RB1: variants seen among roughly 807,000 people sequenced by gnomAD.
RB1 encodes RB transcriptional corepressor 1.
RB1 carries 18 observed loss-of-function variants against 135.4 expected under a neutral mutation model. That is an observed-to-expected ratio of 0.13 (90% CI 0.09 to 0.20). RB1 has a LOEUF of 0.20. Ranked by LOEUF, RB1 falls within the 10% of genes least tolerant of loss-of-function variation. The probability of loss-of-function intolerance (pLI) is 1.00; values close to 1 mark genes in which losing one functional copy is unlikely to be tolerated. For synonymous variants in RB1, 365 were observed against 373.2 expected, an observed-to-expected ratio of 0.98 and a Z score of 0.25; for missense variants, 868 against 1,110.0, an observed-to-expected ratio of 0.78 and a Z score of 3.10.
intron 2 of RB1, among the ~76,000 whole-genome samples, chr13:48,309,223 A>G (rs535643340): frequency 6.6e-6 from 1 of 152,270 alleles, no homozygotes; most frequent in East Asian, 1.9e-4. Flanking sequence ...ATGACTCTTG[A>G]TGATTATTGC....
At chr13:48,419,186 C>G (rs1187718615) in intron 17 of RB1, among the ~76,000 whole-genome samples, 1 of 152,142 alleles carries the variant, frequency 6.6e-6, no homozygotes, top group African/African-American at 2.4e-5. Context: ...ATAACACAGT[C>G]TCTGAGACCT....
intron 2 of RB1, chr13:48,317,508 C>T (rs1952196439): frequency 1.8e-5 from 8 of 442,128 alleles, no homozygotes; most frequent in Non-Finnish European, 2.9e-5. Flanking sequence ...TGTGAAAGCT[C>T]CCCCCAGCAC....
At chr13:48,337,001 T>A (rs892776712) in intron 2 of RB1, among the ~76,000 whole-genome samples, 1 of 152,212 alleles carries the variant, frequency 6.6e-6, no homozygotes, top group Non-Finnish European at 1.5e-5. Flanking sequence ...TTTGAGTGAG[T>A]TTCTTAATCC....
At chr13:48,464,832 A>G (rs1949427053) in intron 21 of RB1, among the ~76,000 whole-genome samples, 166 bp from the exon 22 acceptor site, 1 of 152,066 alleles carries the variant, frequency 6.6e-6, no homozygotes, top group African/African-American at 2.4e-5. Flanking sequence ...CTAAGAAGTA[A>G]TTTTATTTAT....
At chr13:48,410,283 A>C (rs943009851) in intron 17 of RB1, among the ~76,000 whole-genome samples, 2 of 152,210 alleles carry the variant, frequency 1.3e-5, no homozygotes, top group African/African-American at 4.8e-5. Flanking sequence ...AGATGTATTT[A>C]GATACACAAG....
Position 48,319,335 on chromosome 13 carries a change from T to A in RB1, c.264+11929T>A, listed in dbSNP as rs180912541. The A allele has an allele frequency of 2.2e-3, 1,199 of 537,572 alleles. 5 individuals are homozygous for A. The highest frequency in any genetic ancestry group is 9.8e-3 in the Middle Eastern group (16 of 1,630). 33.3% of individuals were successfully genotyped at this position (537,572 alleles called of 1,614,324 possible). On this transcript the variant is annotated intron_variant, in intron 2 of 26. Transcript: ENST00000267163. This position sits in a 1 kb window ranked among gnomAD's most constrained non-coding sequence, Gnocchi z 5.0. ...CTGGGCCCTCTGGGGCAGGTCCCCG[T>A]TGGCCTCCTTGCGTGTTTGCCGCAG...
chr13:48,352,183 C>T (rs116514051), intron 6 of RB1, among the ~76,000 whole-genome samples: 1,916 of 152,116 alleles, frequency 0.013, 43 homozygotes, highest in African/African-American at 0.044. Context: ...TATTCTGTTC[C>T]ATTGGTTTAC....
chr13:48,361,759 C>T (rs1952642421), intron 7 of RB1, among the ~76,000 whole-genome samples: 2 of 151,780 alleles, frequency 1.3e-5, no homozygotes, highest in Non-Finnish European at 2.9e-5. Flanking sequence ...CTCTTCCATC[C>T]TTTCTTTTTT....
chr13:48,350,130 G>A (rs1952535196), intron 6 of RB1, among the ~76,000 whole-genome samples: 1 of 152,118 alleles, frequency 6.6e-6, no homozygotes, highest in African/African-American at 2.4e-5. Context: ...GCATTGGACA[G>A]ATCTTCCAGA....
At chr13:48,431,995 A>G (rs967921319) in intron 17 of RB1, among the ~76,000 whole-genome samples, 4 of 152,160 alleles carry the variant, frequency 2.6e-5, no homozygotes, top group Non-Finnish European at 5.9e-5. Context: ...CCCTGAGCTT[A>G]TATTTTATTT....
At position 48,427,248 on chromosome 13, in the gene RB1, T is replaced by C. The variant is rs868421934; in HGVS notation, c.1696-25745T>C. 8.2e-3 allele frequency among the ~76,000 whole-genome samples: 354 copies of C among 43,258 alleles called. 14 individuals carry two copies. Among genetic ancestry groups the C allele is most frequent in the African/African-American group, 0.035 (326 of 9,196 alleles). The allele number at this position is 43,258 out of a possible 152,430, so 28.4% of individuals were successfully genotyped here. A position where few individuals can be genotyped will look rare whatever the true frequency, so the allele number is the denominator to read the frequency against. ...CTTCTACCAAACCTCACCTCCAGCA[T>C]TGGGGAGCACACTTCAACACGAGTC... is the stretch of plus-strand genomic sequence containing the variant. On this transcript the variant is annotated intron_variant, in intron 17 of 26. Transcript: ENST00000267163.
chr13:48,457,771 A>G (rs973113058), intron 19 of RB1, among the ~76,000 whole-genome samples: 1 of 152,228 alleles, frequency 6.6e-6, no homozygotes, highest in Admixed American at 6.5e-5. Flanking sequence ...GAGCGTGCGC[A>G]CATCTGGCTG....
rs137853294 is a variant in RB1, at chr13:48,459,708, C to T, written c.1981C>T (p.Arg661Trp). 1.2e-6 allele frequency: 2 copies of T among 1,614,006 alleles called. No homozygotes were observed. The highest frequency in any genetic ancestry group is 1.7e-6 in the Non-Finnish European group (2 of 1,180,004). Residue 661 changes from arginine to tryptophan, a missense_variant, in exon 20 of 27, where the codon CGG (arginine) becomes TGG (tryptophan). Transcript: ENST00000267163. ...YKKVYRLAYL[R>W]LNTLCERLLS... is the part of the protein sequence containing the mutation. ...CACAGTGTATCGGCTAGCCTATCTC[C>T]GGCTAAATACACTTTGTGAACGCCT...
At chr13:48,308,413 G>A (rs558852521) in intron 2 of RB1, among the ~76,000 whole-genome samples, 5 of 152,152 alleles carry the variant, frequency 3.3e-5, no homozygotes, top group Admixed American at 6.5e-5. Context: ...CAGCACTTTG[G>A]GAGGCCCAGG....
intron 17 of RB1, among the ~76,000 whole-genome samples, chr13:48,404,866 C>T (rs1948726026): frequency 6.6e-6 from 1 of 152,000 alleles, no homozygotes; most frequent in East Asian, 1.9e-4. Flanking sequence ...ATTATAAAAG[C>T]TTCCAGAGAG....
At chr13:48,354,613 C>T (rs1310322487) in intron 6 of RB1, among the ~76,000 whole-genome samples, 1 of 151,972 alleles carries the variant, frequency 6.6e-6, no homozygotes, top group African/African-American at 2.4e-5. Flanking sequence ...CTACAAAAGA[C>T]CCAGAATAGC....
At position 48,312,695 on chromosome 13, in the gene RB1, A is replaced by G. The variant is rs181672676; in HGVS notation, c.264+5289A>G. 2.0e-4 allele frequency among the ~76,000 whole-genome samples: 31 copies of G among 152,148 alleles called. No homozygotes were observed. The East Asian group carries it at 2.3e-3, about 11-fold the overall frequency. ...CGTCTGTCCCTTCATTTCTTTTACC[A>G]GCAGTGCTTGGTTTTTACTGTTTGC... On this transcript the variant is annotated intron_variant, in intron 2 of 26. Transcript: ENST00000267163.
At chr13:48,317,122 C>T in intron 2 of RB1, 2 of 909,582 alleles carry the variant, frequency 2.2e-6, no homozygotes, top group Non-Finnish European at 3.0e-6. Context: ...CTTCCAAAGA[C>T]AGGGCTGGGC....
chr13:48,330,476 A>T (rs1356555483), intron 2 of RB1, among the ~76,000 whole-genome samples: 1 of 152,188 alleles, frequency 6.6e-6, no homozygotes, highest in African/African-American at 2.4e-5. Context: ...ATGAAAGAGG[A>T]GACATTATGA....
Sources: gnomAD v4.1 joint callset for allele counts (sites outside exome capture counted in the v4.1 genomes callset) on GRCh38, gnomAD v4.1.1 for gene constraint, Gnocchi (gnomAD v3.1) non-coding constraint, MANE v1.5 for transcripts, NCBI Gene and HGNC (gene_info 2026-07-23, HGNC 2026-07-21) for gene names.